The following CFAP53 variants were observed in gnomAD, a reference collection of about 807,000 sequenced individuals.
The protein encoded by CFAP53 is cilia- and flagella-associated protein 53.
Under a neutral mutation model 59.7 loss-of-function variants are expected in CFAP53, and 62 were observed. That is an observed-to-expected ratio of 1.04 (90% CI 0.85 to 1.28). The LOEUF is 1.28. Ranked by LOEUF, CFAP53 falls within the 50% of genes most tolerant of loss-of-function variation. The pLI, the probability that CFAP53 is intolerant of heterozygous loss-of-function variation, is 0.00. For missense variants in CFAP53, 629 were observed against 615.6 expected (o/e 1.02, Z -0.23); for synonymous variants, 218 against 205.7 (o/e 1.06, Z -0.51).
chr18:50,263,275 A>G (rs2144438670), intron 1 of CFAP53, among the ~76,000 whole-genome samples: 1 of 152,326 alleles, frequency 6.6e-6, no homozygotes, highest in African/African-American at 2.4e-5. Flanking sequence ...GTTGTGAGAT[A>G]CTGGGGTGCT....
intron 5 of CFAP53, among the ~76,000 whole-genome samples, chr18:50,249,770 T>C (rs1035528937): frequency 1.5e-4 from 23 of 152,254 alleles, no homozygotes; most frequent in South Asian, 1.2e-3. Flanking sequence ...CTGGTGATGA[T>C]GAGATGTTCA....
intron 5 of CFAP53, among the ~76,000 whole-genome samples, chr18:50,250,544 T>C (rs2033787978): frequency 6.6e-6 from 1 of 152,180 alleles, no homozygotes; most frequent in Non-Finnish European, 1.5e-5. Flanking sequence ...GAAACACAGA[T>C]TTCCTGCCCC....
In CFAP53 at chr18:50,255,869, CA is replaced by C. The variant is rs71169498; in HGVS notation, c.474-4086del. On this transcript the variant is annotated intron_variant, in intron 3 of 7. Transcript: ENST00000398545. ...TGTGGTATATTTATACAATGGAATA[CA>C]AAAAAAAAAAGAGGAAAATTTTCAT... Among the ~76,000 whole-genome samples, 677 of 146,032 alleles carry C rather than the reference CA, an allele frequency of 4.6e-3. 5 individuals carry two copies. Among genetic ancestry groups the C allele is most frequent in the African/African-American group, 0.015 (581 of 39,606 alleles).
intron 6 of CFAP53, among the ~76,000 whole-genome samples, chr18:50,240,598 T>C (rs946144016): frequency 1.3e-5 from 2 of 152,228 alleles, no homozygotes; most frequent in Admixed American, 6.5e-5. Flanking sequence ...GAAGTAAAGA[T>C]GGTCTTGCTG....
intron 3 of CFAP53, chr18:50,255,948 G>C (rs1051736372): frequency 6.6e-6 from 1 of 152,016 alleles, no homozygotes; most frequent in Admixed American, 6.6e-5. Flanking sequence ...TTCAGTAATA[G>C]GGTCTAATAA....
At chr18:50,234,370 G>A (rs2033610461) in intron 7 of CFAP53, among the ~76,000 whole-genome samples, 1 of 152,188 alleles carries the variant, frequency 6.6e-6, no homozygotes, top group South Asian at 2.1e-4. Flanking sequence ...TCTCATTAAT[G>A]TTTAAAACTC....
intron 7 of CFAP53, among the ~76,000 whole-genome samples, chr18:50,237,537 G>A (rs1555671403): frequency 6.6e-6 from 1 of 151,058 alleles, no homozygotes; most frequent in Non-Finnish European, 1.5e-5. Context: ...ACTCTTTCTA[G>A]AAAGAGAAGA....
chr18:50,237,115 G>A (rs1258747663), intron 7 of CFAP53, among the ~76,000 whole-genome samples: 1 of 150,458 alleles, frequency 6.6e-6, no homozygotes, highest in East Asian at 2.0e-4. Flanking sequence ...GACCAGCCTG[G>A]CTAAGGTGGT....
At chr18:50,257,202 T>C (rs969633840) in intron 3 of CFAP53, among the ~76,000 whole-genome samples, 1 of 152,060 alleles carries the variant, frequency 6.6e-6, no homozygotes, top group African/African-American at 2.4e-5. Context: ...CTGAGAGATG[T>C]ATCTGAAAAA....
intron 5 of CFAP53, among the ~76,000 whole-genome samples, chr18:50,246,043 C>T (rs1454193555): frequency 1.3e-5 from 2 of 152,184 alleles, no homozygotes; most frequent in Middle Eastern, 3.2e-3. Context: ...GCATGGGCCA[C>T]CATGCCTGGC....
intron 7 of CFAP53, among the ~76,000 whole-genome samples, chr18:50,229,222 T>A (rs1347973524): frequency 6.6e-6 from 1 of 152,188 alleles, no homozygotes; most frequent in Non-Finnish European, 1.5e-5. Context: ...ATCTTGCAAA[T>A]CTGAAACTCC....
At chr18:50,229,555 T>C (rs1314486806) in intron 7 of CFAP53, among the ~76,000 whole-genome samples, 1 of 152,176 alleles carries the variant, frequency 6.6e-6, no homozygotes, top group African/African-American at 2.4e-5. Flanking sequence ...TCTGTGCAAA[T>C]ATCTCTTCAA....
chr18:50,243,236 A>G (rs899357417), intron 5 of CFAP53, 120 bp from the exon 6 acceptor site: 15 of 687,276 alleles, frequency 2.2e-5, no homozygotes, highest in Non-Finnish European at 3.0e-5. Context: ...GTACTGAAAC[A>G]TTTACAGATG....
At chr18:50,229,969 G>A (rs2033563937) in intron 7 of CFAP53, among the ~76,000 whole-genome samples, 1 of 151,916 alleles carries the variant, frequency 6.6e-6, no homozygotes, top group Non-Finnish European at 1.5e-5. Flanking sequence ...TGTTGCACAG[G>A]CCGGTCTCAA....
At chr18:50,252,134 C>T (rs930782824) in intron 3 of CFAP53, among the ~76,000 whole-genome samples, 2 of 151,766 alleles carry the variant, frequency 1.3e-5, no homozygotes, top group African/African-American at 2.4e-5. Context: ...GACAGAGTCT[C>T]GCTCTGTTGC....
In CFAP53 at chr18:50,259,889, T is replaced by A. The variant is rs527661171; in HGVS notation, c.473+1175A>T. 5.9e-5 allele frequency among the ~76,000 whole-genome samples: 9 copies of A among 152,312 alleles called. No homozygotes were observed. The East Asian group carries it at 1.5e-3, about 26-fold the overall frequency. Reference sequence around the variant, plus strand: ...CTTAATGTTTACACTCTTAGAAGTATCAGAAGCACTGAAAATATAACTGAG... The same window carrying A: ...CTTAATGTTTACACTCTTAGAAGTAACAGAAGCACTGAAAATATAACTGAG... On this transcript the variant is annotated intron_variant, in intron 3 of 7. Transcript: ENST00000398545.
At chr18:50,248,895 TC>T (rs2033770962) in intron 5 of CFAP53, among the ~76,000 whole-genome samples, 1 of 151,976 alleles carries the variant, frequency 6.6e-6, no homozygotes, top group Non-Finnish European at 1.5e-5. Flanking sequence ...CAAATGTCCT[TC>T]AACAGGTAAA....
In CFAP53 at chr18:50,250,921, T is replaced by C. The variant is rs1382871034; in HGVS notation, c.833A>G (p.Gln278Arg). ...GGTCCTAGTTTCCTGCTTTGCCTTC[T>C]GTTTCTTTAGCATATCCTGTTCATT... ...HENEQDMLKKQKAKQETRTIL... is the reference protein window; with the variant it reads ...HENEQDMLKKRKAKQETRTIL... Residue 278 changes from glutamine (Q) to arginine (R), a missense_variant, in exon 5 of 8, where the codon CAG (glutamine) becomes CGG (arginine). Coordinates refer to ENST00000398545, the MANE Select transcript of CFAP53 (RefSeq NM_145020.5). 2 of 1,614,248 alleles carry C rather than the reference T, an allele frequency of 1.2e-6. No homozygotes were observed. Among genetic ancestry groups the C allele is most frequent in the South Asian group, 1.1e-5 (1 of 91,086 alleles).
At chr18:50,265,680 C>T (rs2033950561) in intron 1 of CFAP53, among the ~76,000 whole-genome samples, 1 of 152,192 alleles carries the variant, frequency 6.6e-6, no homozygotes, top group Non-Finnish European at 1.5e-5. Flanking sequence ...AAAAAATCTA[C>T]ATGTATGGAC....
Sources: allele counts gnomAD v4.1 joint callset (sites outside exome capture counted in the v4.1 genomes callset), GRCh38; gene constraint gnomAD v4.1.1; transcripts MANE v1.5; gene names NCBI Gene and HGNC (gene_info 2026-07-23, HGNC 2026-07-21).